CENPX: variants seen among roughly 807,000 people sequenced by gnomAD.
CENPX encodes the protein FANCM associated histone fold protein 2.
A neutral mutation model predicts 13.2 loss-of-function variants in CENPX; 13 were observed. The ratio of observed to expected loss-of-function variants is 0.98; its 90% CI spans 0.64 to 1.56. CENPX has a LOEUF of 1.56. CENPX is among the 40% of genes most tolerant of loss of function. The pLI, the probability that CENPX is intolerant of heterozygous loss-of-function variation, is 0.00. For synonymous variants in CENPX, 66 were observed against 47.2 expected (o/e 1.40, Z -1.63); for missense variants, 138 against 107.5 (o/e 1.28, Z -1.26).
intron 1 of CENPX, among the ~76,000 whole-genome samples, 185 bp from the exon 2 acceptor site, chr17:82,020,094 G>A (rs4969470): frequency 0.044 from 6,753 of 152,312 alleles, 206 homozygotes; most frequent in South Asian, 0.14. Context: ...AAGCAGATGC[G>A]TGGGCAGCTC....
Position 82,019,871 on chromosome 17 carries a change from ATCCT to A in CENPX, c.71_74del (p.Lys24MetfsTer6). 1.3e-6 allele frequency: 2 copies of A among 1,597,060 alleles called. No homozygotes were observed. The highest frequency in any genetic ancestry group is 1.7e-6 in the Non-Finnish European group (2 of 1,169,248). On this transcript the variant is annotated frameshift_variant, in exon 2 of 5. Coordinates refer to ENST00000392359, the MANE Select transcript of CENPX (RefSeq NM_001271006.2). LOFTEE classifies it high-confidence loss of function. The stretch of plus-strand genomic sequence containing the variant: ...CCCCACCCGCACCTTTGGTCTTGTC[ATCCT>A]TGAAGTGCAGGTGCAGCAGCCTGCT...
At chr17:82,021,282 G>A (rs1333354854) in intron 1 of CENPX, among the ~76,000 whole-genome samples, 1 of 152,224 alleles carries the variant, frequency 6.6e-6, no homozygotes, top group African/African-American at 2.4e-5. Context: ...CCTAGCCAGG[G>A]TCCCAGTCAC....
At position 82,019,718 on chromosome 17, in the gene CENPX, C is replaced by T. The variant is rs374307991; in HGVS notation, c.89-24G>A. The T allele has an allele frequency of 2.3e-5, 35 of 1,550,202 alleles. No individual in the cohort carries two copies. In the African/African-American group the frequency reaches 2.5e-4, roughly 11 times the overall value. ...CACTGCAAGGCAGGGGGAGGTTATGCGGGACCCTCACCCACCGCTCTGGCT... is the reference window on the plus strand; with the variant it reads ...CACTGCAAGGCAGGGGGAGGTTATGTGGGACCCTCACCCACCGCTCTGGCT... On this transcript the variant is annotated intron_variant, in intron 2 of 4. Coordinates refer to ENST00000392359, the MANE Select transcript of CENPX (RefSeq NM_001271006.2).
chr17:82,020,364 C>T (rs1412727816), intron 1 of CENPX, among the ~76,000 whole-genome samples: 1 of 152,228 alleles, frequency 6.6e-6, no homozygotes, highest in Non-Finnish European at 1.5e-5. Context: ...GTGGGCTGGC[C>T]TGAGGGAGTG....
chr17:82,021,779 C>T (rs7216595), intron 1 of CENPX, among the ~76,000 whole-genome samples: 33 of 152,376 alleles, frequency 2.2e-4, no homozygotes, highest in African/African-American at 7.5e-4. Flanking sequence ...CTACTTTAAC[C>T]TGGTGTTCTC....
In CENPX at chr17:82,022,845, G is replaced by C. The variant is rs1354855133; in HGVS notation, c.17C>G (p.Ala6Gly). The C allele has an allele frequency of 1.9e-6, 3 of 1,592,894 alleles. No homozygotes were observed. The highest frequency in any genetic ancestry group is 2.3e-5 in the East Asian group (1 of 44,088). Reference protein sequence around the residue: MEGAGAGSGFRKELVS... With the variant: MEGAGGGSGFRKELVS... ...CCTCACCTTCCGGAAGCCGGATCCA[G>C]CTCCTGCTCCCTCCATGACCGCAGC... The change falls in exon 1 of 5, where the codon GCT becomes GGT. Residue 6 changes from alanine (A) to glycine (G), a missense_variant. Ala to Gly is a moderately conservative substitution (Grantham distance 60). Coordinates refer to ENST00000392359, the MANE Select transcript of CENPX (RefSeq NM_001271006.2).
intron 1 of CENPX, among the ~76,000 whole-genome samples, chr17:82,020,367 A>AG (rs1421565965): frequency 6.6e-6 from 1 of 152,168 alleles, no homozygotes; most frequent in Admixed American, 6.5e-5. Flanking sequence ...GGCTGGCCTG[A>AG]GGGAGTGCCA....
At chr17:82,019,454 T>C (rs368809137) in intron 3 of CENPX, 73 bp from the exon 4 acceptor site, 9 of 1,514,090 alleles carry the variant, frequency 5.9e-6, no homozygotes, top group Non-Finnish European at 8.0e-6. Flanking sequence ...GGCCTCAGCC[T>C]GGGCCGGTGC....
chr17:82,019,163 C>T lies in CENPX; in HGVS notation c.*42G>A, dbSNP rs186518288. On this transcript the variant is annotated 3_prime_UTR_variant, in exon 5 of 5. Transcript: ENST00000392359. ...AAACACAAGGCCTGCTTCTGTGGAC[C>T]AGGGGCTCCTCTGGGGGTGGCCTCA... 6.9e-3 allele frequency: 10,426 copies of T among 1,520,916 alleles called. 46 individuals carry two copies. Among genetic ancestry groups the T allele is most frequent in the Non-Finnish European group, 7.6e-3 (8,642 of 1,132,996 alleles). 94.2% of individuals were successfully genotyped at this position (1,520,916 alleles called of 1,614,324 possible). A position where few individuals can be genotyped will look rare whatever the true frequency, so the allele number is the denominator to read the frequency against.
At chr17:82,022,524 GCTC>G (rs1598451247) in intron 1 of CENPX, 1 of 534,274 alleles carries the variant, frequency 1.9e-6, no homozygotes, top group Non-Finnish European at 3.3e-6. Context: ...CGGCGGCCCA[GCTC>G]CTCCTCTCTC....
At chr17:82,021,043 G>C (rs896721253) in intron 1 of CENPX, among the ~76,000 whole-genome samples, 1 of 152,244 alleles carries the variant, frequency 6.6e-6, no homozygotes, top group African/African-American at 2.4e-5. Flanking sequence ...CAGGAGCCCA[G>C]AAACAGGCCA....
chr17:82,020,038 G>T, intron 1 of CENPX, 129 bp from the exon 2 acceptor site: 1 of 911,866 alleles, frequency 1.1e-6, no homozygotes, highest in South Asian at 1.7e-5. Flanking sequence ...GCCTCTCCCA[G>T]GGCAGGGGAC....
At position 82,018,773 on chromosome 17, in the gene CENPX, C is replaced by T. The variant is rs1373646813; in HGVS notation, c.*432G>A. On this transcript the variant is annotated 3_prime_UTR_variant, in exon 5 of 5. Transcript: ENST00000392359. ...ATTTATAGCCTGGGGAAGCATCTTC[C>T]AAGGGGAATATCGCATGGCTGGAAA... is the stretch of plus-strand genomic sequence containing the variant. 3.7e-6 allele frequency: 1 copy of T among 272,718 alleles called. No individual in the cohort carries two copies. The highest frequency in any genetic ancestry group is 6.9e-6 in the Non-Finnish European group (1 of 145,524). 16.9% of individuals were successfully genotyped at this position (272,718 alleles called of 1,614,324 possible). A position where few individuals can be genotyped will look rare whatever the true frequency, so the allele number is the denominator to read the frequency against.
chr17:82,019,692 T>G lies in CENPX; in HGVS notation c.91A>C (p.Ser31Arg). The part of the protein sequence containing the change: ...LHFKDDKTKV[S>R]GDALQLMVEL... ...ACCATGAGCTGCAGCGCGTCCCCGCTCACTGCAAGGCAGGGGGAGGTTATG... is the reference window on the plus strand; with the variant it reads ...ACCATGAGCTGCAGCGCGTCCCCGCGCACTGCAAGGCAGGGGGAGGTTATG... Residue 31 changes from serine to arginine, a missense_variant and splice_region_variant, in exon 3 of 5, where the codon AGC becomes CGC. Ser to Arg is a moderately radical substitution (Grantham distance 110). Coordinates refer to ENST00000392359, the MANE Select transcript of CENPX (RefSeq NM_001271006.2). 6.5e-7 allele frequency: 1 copy of G among 1,550,266 alleles called. No homozygotes were observed. The highest frequency in any genetic ancestry group is 8.7e-7 in the Non-Finnish European group (1 of 1,146,956).
Position 82,019,312 on chromosome 17 carries a change from T to A in CENPX, c.212A>T (p.Glu71Val). Residue 71 changes from glutamate to valine, a missense_variant, in exon 4 of 5, where the codon GAG becomes GTG. Glu to Val is a moderately radical substitution (Grantham distance 121). Coordinates refer to ENST00000392359, the MANE Select transcript of CENPX (RefSeq NM_001271006.2). ...ACGCACCAGCTGCGGAAGCACCTTCTCCAGCTGGTCCACGTCCACACGGAG... is the reference window on the plus strand; with the variant it reads ...ACGCACCAGCTGCGGAAGCACCTTCACCAGCTGGTCCACGTCCACACGGAG... The part of the protein sequence containing the change: ...DALRVDVDQL[E>V]KVLPQLLLDF 6.3e-7 allele frequency: 1 copy of A among 1,590,452 alleles called. No homozygotes were observed. The highest frequency in any genetic ancestry group is 1.1e-5 in the South Asian group (1 of 87,772).
In CENPX at chr17:82,019,126, A is replaced by AGAGGCCGCTGGAAACAC; in HGVS notation, c.*62_*78dup. On this transcript the variant is annotated 3_prime_UTR_variant, in exon 5 of 5. Coordinates refer to ENST00000392359, the MANE Select transcript of CENPX (RefSeq NM_001271006.2). ...TTCAGGTCCTTCCCTGCCTCTTATCAGAGGCCGCTGGAAACACAAGGCCTG... is the reference window on the plus strand; with the variant it reads ...TTCAGGTCCTTCCCTGCCTCTTATCAGAGGCCGCTGGAAACACGAGGCCGCTGGAAACACAAGGCCTG... 1 of 1,487,060 alleles carries AGAGGCCGCTGGAAACAC rather than the reference A, an allele frequency of 6.7e-7. No individual in the cohort carries two copies. The highest frequency in any genetic ancestry group is 8.9e-7 in the Non-Finnish European group (1 of 1,118,088). The allele number at this position is 1,487,060 out of a possible 1,614,324, so 92.1% of individuals were successfully genotyped here.
chr17:82,019,764 C>G (rs561724595), intron 2 of CENPX, 70 bp from the exon 3 acceptor site: 2 of 1,550,438 alleles, frequency 1.3e-6, no homozygotes, highest in Non-Finnish European at 1.7e-6. Context: ...GACATACCCC[C>G]GCCCTCCCGA....
chr17:82,019,335 G>C lies in CENPX; in HGVS notation c.189C>G (p.Leu63=), dbSNP rs762559329. 3 of 1,581,550 alleles carry C rather than the reference G, an allele frequency of 1.9e-6. No homozygotes were observed. The highest frequency in any genetic ancestry group is 2.6e-6 in the Non-Finnish European group (3 of 1,165,928). Residue 63 remains leucine, a synonymous_variant, in exon 4 of 5, where the codon CTC becomes CTG. Coordinates refer to ENST00000392359, the MANE Select transcript of CENPX (RefSeq NM_001271006.2). ...TCTCCAGCTGGTCCACGTCCACACG[G>C]AGCGCGTCTTCTGCCTGGGCCTGCC... ...GVRQAQAEDA[L]RVDVDQLEKV...
intron 1 of CENPX, among the ~76,000 whole-genome samples, chr17:82,022,005 G>A (rs977148683): frequency 6.6e-6 from 1 of 152,166 alleles, no homozygotes; most frequent in Non-Finnish European, 1.5e-5. Context: ...GTTCACAAGG[G>A]CCTGAGACCC....
Sources: allele counts gnomAD v4.1 joint callset (sites outside exome capture counted in the v4.1 genomes callset), GRCh38; gene constraint gnomAD v4.1.1; transcripts MANE v1.5; gene names NCBI Gene and HGNC (gene_info 2026-07-23, HGNC 2026-07-21).